The following BTN3A3 variants were observed in gnomAD, a reference collection of about 807,000 sequenced individuals.
BTN3A3 encodes the protein butyrophilin subfamily 3 member A3.
In BTN3A3, 39 loss-of-function variants were observed where a neutral mutation model predicts 43.2. The ratio of observed to expected loss-of-function variants is 0.90; its 90% confidence interval spans 0.70 to 1.18. BTN3A3 has a LOEUF of 1.18. Ranked by LOEUF, BTN3A3 falls within the 50% of genes most tolerant of loss-of-function variation. BTN3A3 has a pLI of 0.00. For missense variants in BTN3A3, 631 were observed against 722.8 expected, an observed-to-expected ratio of 0.87 and a Z score of 1.46; for synonymous variants, 255 against 272.7, an observed-to-expected ratio of 0.93 and a Z score of 0.64.
intron 10 of BTN3A3, among the ~76,000 whole-genome samples, chr6:26,450,839 A>G (rs1762911535): frequency 6.6e-6 from 1 of 152,162 alleles, no homozygotes; most frequent in Admixed American, 6.5e-5. Context: ...CTCAAAAGAG[A>G]GGGCTCCCTG....
At chr6:26,445,312 A>T (rs768041905) in intron 4 of BTN3A3, 13 of 213,128 alleles carry the variant, frequency 6.1e-5, no homozygotes, top group Admixed American at 1.0e-4. Flanking sequence ...TGTAGCAGAC[A>T]ATGGTAGGAA....
rs761364881 is a variant in BTN3A3 at position 26,449,704 on chromosome 6, G to T, written c.991+16G>T. Reference sequence around the variant, plus strand: ...GCCTATCATGGTGAGTGAGCCTGATGCTCTCTGGGTTTGCTGGGTCATGTA... The same window carrying T: ...GCCTATCATGGTGAGTGAGCCTGATTCTCTCTGGGTTTGCTGGGTCATGTA... On this transcript the variant is annotated intron_variant, in intron 9 of 10. Coordinates refer to ENST00000244519, the MANE Select transcript of BTN3A3 (RefSeq NM_006994.5). 68 of 1,614,008 alleles carry T rather than the reference G, an allele frequency of 4.2e-5. 1 individual carries two copies. The highest frequency in any genetic ancestry group is 1.0e-4 in the Admixed American group (6 of 60,004).
Position 26,448,748 on chromosome 6 carries a change from A to T in BTN3A3, c.958A>T (p.Met320Leu). 1 of 1,613,782 alleles carries T rather than the reference A, an allele frequency of 6.2e-7. No individual in the cohort carries two copies. Among genetic ancestry groups the T allele is most frequent in the Middle Eastern group, 1.6e-4 (1 of 6,062 alleles). The change falls in exon 8 of 11, where the codon ATG becomes TTG. Residue 320 changes from methionine to leucine, a missense_variant. Around this residue, in one of 2 missense-constraint regions of BTN3A3, gnomAD observed 551 missense variants for 584.0 expected, o/e 0.94. Coordinates refer to ENST00000244519, the MANE Select transcript of BTN3A3 (RefSeq NM_006994.5). ...TGCAGAGTGGAGGAAAATCCAGTAC[A>T]TGGCTCGTGAGTGACTCTGACATTT... ...EELKWRKIQY[M>L]ARGEKSLAYH...
In BTN3A3 at chr6:26,448,343, T is replaced by C. The variant is rs768739996; in HGVS notation, c.811T>C (p.Trp271Arg). The change falls in exon 6 of 11, where the codon TGG becomes CGG. Residue 271 changes from tryptophan to arginine, a missense_variant. By Grantham distance (101) the Trp-to-Arg change is moderately radical. Transcript: ENST00000244519. ...TCTCGCAGGAGCCAGTTACTTCTTGTGGAGACAACAGAAGGAAAAAATTGC... is the reference window on the plus strand; with the variant it reads ...TCTCGCAGGAGCCAGTTACTTCTTGCGGAGACAACAGAAGGAAAAAATTGC... ...LLLAGASYFL[W>R]RQQKEKIALS... The C allele has an allele frequency of 1.2e-6, 2 of 1,613,378 alleles. No homozygotes were observed. Among genetic ancestry groups the C allele is most frequent in the Non-Finnish European group, 1.7e-6 (2 of 1,179,864 alleles).
At position 26,444,246 on chromosome 6, in the gene BTN3A3, G is replaced by T; in HGVS notation, c.375G>T (p.Leu125Phe). The T allele has an allele frequency of 6.2e-7, 1 of 1,612,048 alleles. No homozygotes were observed. The highest frequency in any genetic ancestry group is 2.2e-5 in the East Asian group (1 of 44,892). The change falls in exon 4 of 11, where the codon TTG (leucine) becomes TTT (phenylalanine). Residue 125 changes from leucine (L) to phenylalanine (F), a missense_variant. Physicochemically the swap from Leu to Phe is conservative, Grantham distance 22. Transcript: ENST00000244519. ...NVTASDSGKYLCYFQDGDFYE... is the reference protein window; with the variant it reads ...NVTASDSGKYFCYFQDGDFYE... ...CAGCCTCTGACAGTGGAAAGTACTT[G>T]TGTTATTTCCAAGATGGTGACTTCT...
intron 4 of BTN3A3, 78 bp downstream of exon 4, chr6:26,444,382 C>T: frequency 6.2e-7 from 1 of 1,605,612 alleles, no homozygotes; most frequent in South Asian, 1.1e-5. Context: ...TCCAAAAGTA[C>T]TGCAGACACT....
chr6:26,448,410 T>C lies in BTN3A3; in HGVS notation c.878T>C (p.Met293Thr). The stretch of plus-strand genomic sequence containing the variant: ...GAAAGAGAGCGAGAGATGAAAGAAA[T>C]GGGATACGCTGCAACAGAGCAAGAA... ...ETEREREMKE[M>T]GYAATEQEIS... The change falls in exon 6 of 11, where the codon ATG (methionine) becomes ACG (threonine). Residue 293 changes from methionine to threonine, a missense_variant. Met to Thr is a moderately conservative substitution (Grantham distance 81). This residue lies in a region of BTN3A3 where 551 missense variants were observed against 584.0 expected (regional missense o/e 0.94). Coordinates refer to ENST00000244519, the MANE Select transcript of BTN3A3 (RefSeq NM_006994.5). 2.5e-6 allele frequency: 4 copies of C among 1,613,632 alleles called. No homozygotes were observed. Among genetic ancestry groups the C allele is most frequent in the South Asian group, 2.2e-5 (2 of 91,052 alleles).
At chr6:26,443,518 C>T in intron 2 of BTN3A3, 52 bp from the exon 3 acceptor site, 1 of 1,610,144 alleles carries the variant, frequency 6.2e-7, no homozygotes, top group Admixed American at 1.7e-5. Flanking sequence ...CCTAAAGCTT[C>T]TTCCAGGCCA....
intron 8 of BTN3A3, 36 bp from the exon 9 acceptor site, chr6:26,449,626 T>C: frequency 1.2e-6 from 2 of 1,613,562 alleles, no homozygotes; most frequent in Non-Finnish European, 1.7e-6. Context: ...GCAAAGGCAG[T>C]GTTCAGGTGA....
chr6:26,451,023 T>C (rs1176657462), intron 10 of BTN3A3, among the ~76,000 whole-genome samples: 2 of 152,056 alleles, frequency 1.3e-5, no homozygotes, highest in Non-Finnish European at 2.9e-5. Flanking sequence ...GCACTATCCT[T>C]AGAGTACAGA....
chr6:26,448,144 G>T, intron 5 of BTN3A3, 104 bp from the exon 6 acceptor site: 1 of 1,321,790 alleles, frequency 7.6e-7, no homozygotes, highest in East Asian at 2.5e-5. Context: ...TCATGAGATG[G>T]ATTCCATGCC....
intron 1 of BTN3A3, among the ~76,000 whole-genome samples, chr6:26,443,163 G>T (rs1762685368): frequency 6.6e-6 from 1 of 152,200 alleles, no homozygotes; most frequent in Non-Finnish European, 1.5e-5. Context: ...CCAAGAGTTT[G>T]ATGCTTGAGG....
At chr6:26,443,931 A>G (rs145862652) in intron 3 of BTN3A3, 26 bp from the exon 4 acceptor site, 1 of 1,613,692 alleles carries the variant, frequency 6.2e-7, no homozygotes, top group Admixed American at 1.7e-5. Flanking sequence ...AAACCCTCTG[A>G]TGGAGCTTCC....
chr6:26,449,966 A>G (rs1762885083), intron 9 of BTN3A3, 141 bp from the exon 10 acceptor site: 4 of 1,047,862 alleles, frequency 3.8e-6, no homozygotes, highest in South Asian at 3.0e-5. Context: ...CCTCTGATCT[A>G]TCAGAGCTGT....
In BTN3A3 at chr6:26,452,653, C is replaced by A; in HGVS notation, c.*242C>A. Reference sequence around the variant, plus strand: ...TCACTCCTTTAATCCTCACAACACCCTGTCGGGTAGTCATATTTTGCAAGT... The same window carrying A: ...TCACTCCTTTAATCCTCACAACACCATGTCGGGTAGTCATATTTTGCAAGT... On this transcript the variant is annotated 3_prime_UTR_variant, in exon 11 of 11. Transcript: ENST00000244519. 1 of 462,392 alleles carries A rather than the reference C, an allele frequency of 2.2e-6. No individual in the cohort carries two copies. The highest frequency in any genetic ancestry group is 3.8e-6 in the Non-Finnish European group (1 of 262,402). The allele number at this position is 462,392 out of a possible 1,614,324, so 28.6% of individuals were successfully genotyped here.
chr6:26,452,916 G>C lies in BTN3A3; in HGVS notation c.*505G>C, dbSNP rs1762966391. 1.3e-5 allele frequency: 2 copies of C among 159,880 alleles called. No homozygotes were observed. Among genetic ancestry groups the C allele is most frequent in the Admixed American group, 1.2e-4 (2 of 17,304 alleles). 9.9% of individuals were successfully genotyped at this position (159,880 alleles called of 1,614,324 possible). A position where few individuals can be genotyped will look rare whatever the true frequency, so the allele number is the denominator to read the frequency against. ...CATCCCTATTGACTCTTTCCCAGCT[G>C]ATATCAGAGACTTAGACCCAGCACT... On this transcript the variant is annotated 3_prime_UTR_variant, in exon 11 of 11. Transcript: ENST00000244519.
intron 4 of BTN3A3, chr6:26,445,394 C>T: frequency 3.0e-6 from 1 of 333,734 alleles, no homozygotes; most frequent in Non-Finnish European, 5.6e-6. Context: ...AGGCTGGCTG[C>T]ATTGCCTTGC....
chr6:26,443,899 T>C (rs1476820809), intron 3 of BTN3A3, 58 bp from the exon 4 acceptor site: 1 of 1,613,630 alleles, frequency 6.2e-7, no homozygotes, highest in East Asian at 2.2e-5. Flanking sequence ...GAAGGACCCT[T>C]CCTCTCGTGA....
chr6:26,447,614 C>T (rs1762814092), intron 5 of BTN3A3, among the ~76,000 whole-genome samples: 3 of 152,198 alleles, frequency 2.0e-5, no homozygotes, highest in South Asian at 2.1e-4. Flanking sequence ...CTGCCTGCCT[C>T]GGCCTCACAA....
Sources: gnomAD v4.1 joint callset for allele counts (sites outside exome capture counted in the v4.1 genomes callset) on GRCh38, gnomAD v4.1.1 for gene constraint, gnomAD v4.1.1 regional missense constraint, MANE v1.5 for transcripts, NCBI Gene and HGNC (gene_info 2026-07-23, HGNC 2026-07-21) for gene names.